The following DOCK4 variants were observed in gnomAD, a reference collection of about 807,000 sequenced individuals.
DOCK4 encodes the protein dedicator of cytokinesis protein 4.
In DOCK4, 97 loss-of-function variants were observed where a neutral mutation model predicts 268.1. The ratio of observed to expected loss-of-function variants is 0.36; its 90% CI spans 0.31 to 0.43. The LOEUF is 0.43. DOCK4 is among the 20% of genes least tolerant of loss of function. The probability of loss-of-function intolerance (pLI) is 1.00; values close to 1 mark genes in which losing one functional copy is unlikely to be tolerated. For synonymous variants in DOCK4, 954 were observed against 887.2 expected (o/e 1.08, Z -1.34); for missense variants, 2,145 against 2,455.7 (o/e 0.87, Z 2.67).
chr7:112,106,039 G>A (rs1348255611), intron 1 of DOCK4, among the ~76,000 whole-genome samples: 1 of 152,152 alleles, frequency 6.6e-6, no homozygotes, highest in Admixed American at 6.5e-5. Flanking sequence ...AAGGGGCAAC[G>A]GACCACAACA....
chr7:111,947,578 T>C (rs1795718824), intron 8 of DOCK4, among the ~76,000 whole-genome samples: 1 of 75,590 alleles, frequency 1.3e-5, no homozygotes, highest in African/African-American at 5.6e-5. Flanking sequence ...TATTCCAAAC[T>C]GGAGGCTGGG....
chr7:111,790,498 TATC>T lies in DOCK4; in HGVS notation c.3271_3273del (p.Asp1091del). ...CTCCGCCTCTGCTCCCAGTCCATCATATCATGAAAAATTGGAATCATGACATTC... is the reference window on the plus strand; with the variant it reads ...CTCCGCCTCTGCTCCCAGTCCATCATATGAAAAATTGGAATCATGACATTC... On this transcript the variant is annotated inframe_deletion, in exon 31 of 53. Transcript: ENST00000428084. The T allele has an allele frequency of 6.2e-7, 1 of 1,613,954 alleles. No homozygotes were observed. Among genetic ancestry groups the T allele is most frequent in the Non-Finnish European group, 8.5e-7 (1 of 1,179,864 alleles).
chr7:111,753,123 T>C (rs1422304299), intron 42 of DOCK4, among the ~76,000 whole-genome samples: 1 of 151,648 alleles, frequency 6.6e-6, no homozygotes, highest in Admixed American at 6.6e-5. Context: ...TAGGGCCATA[T>C]ATGGTATATT....
At position 111,758,788 on chromosome 7, in the gene DOCK4, A is replaced by G. The variant is rs760770751; in HGVS notation, c.4165T>C (p.Leu1389=). ...ETIFQAEAQY[L]QIYAVTPIPE... is the part of the protein sequence containing the mutation. ...ATGGGAGTCACAGCATATATCTGCA[A>G]ATCTAGGATTCAAGAGTCAAGGAGA... Residue 1389 remains leucine (L), a splice_region_variant and synonymous_variant, in exon 41 of 53, where the codon TTG becomes CTG. Coordinates refer to ENST00000428084, the MANE Select transcript of DOCK4 (RefSeq NM_001363540.2). 112 of 1,613,534 alleles carry G rather than the reference A, an allele frequency of 6.9e-5. No homozygotes were observed. Among genetic ancestry groups the G allele is most frequent in the Non-Finnish European group, 8.6e-5 (102 of 1,179,754 alleles).
At chr7:112,024,078 T>C (rs1802564814) in intron 1 of DOCK4, among the ~76,000 whole-genome samples, 1 of 152,232 alleles carries the variant, frequency 6.6e-6, no homozygotes, top group Non-Finnish European at 1.5e-5. Flanking sequence ...TCATCTCGAC[T>C]TGTTTTTCAA....
chr7:111,910,918 C>T (rs1400568600), intron 13 of DOCK4, among the ~76,000 whole-genome samples: 2 of 152,180 alleles, frequency 1.3e-5, no homozygotes, highest in Non-Finnish European at 2.9e-5. Flanking sequence ...CTCCTCACAC[C>T]AGGAGACCTG....
intron 8 of DOCK4, among the ~76,000 whole-genome samples, chr7:111,956,881 A>G (rs1796492122): frequency 6.6e-6 from 1 of 152,200 alleles, no homozygotes; most frequent in Non-Finnish European, 1.5e-5. Context: ...TTGCTTTACA[A>G]GCCAAAATCA....
chr7:112,077,996 T>A (rs1056675775), intron 1 of DOCK4, among the ~76,000 whole-genome samples: 1 of 152,166 alleles, frequency 6.6e-6, no homozygotes, highest in Non-Finnish European at 1.5e-5. Flanking sequence ...AGTAAAATTC[T>A]ATTATATTTA....
chr7:111,781,817 A>G (rs1798799464), intron 35 of DOCK4, among the ~76,000 whole-genome samples: 1 of 152,200 alleles, frequency 6.6e-6, no homozygotes, highest in Admixed American at 6.5e-5. Flanking sequence ...AAACAAAACA[A>G]AACAAAAAGA....
chr7:111,737,416 A>G (rs1207629693), intron 49 of DOCK4, among the ~76,000 whole-genome samples: 1 of 152,154 alleles, frequency 6.6e-6, no homozygotes, highest in Non-Finnish European at 1.5e-5. Context: ...GGCATGAGCC[A>G]CCACACCTGG....
chr7:112,059,987 C>T (rs547774923), intron 1 of DOCK4, among the ~76,000 whole-genome samples: 3 of 152,140 alleles, frequency 2.0e-5, no homozygotes, highest in East Asian at 3.9e-4. Flanking sequence ...TAATGGAAAA[C>T]GATTAGAAGC....
At chr7:112,087,082 C>CCAGG (rs1265694259) in intron 1 of DOCK4, among the ~76,000 whole-genome samples, 1 of 152,082 alleles carries the variant, frequency 6.6e-6, no homozygotes, top group Non-Finnish European at 1.5e-5. Flanking sequence ...GGGCAGCTCA[C>CCAGG]CAGGCTAGGG....
rs1281234360 is a variant in DOCK4, at chr7:111,964,141, C to T, written c.701+12991G>A. ...AACAGAAAAACTGGAAACTCTAAAA[C>T]GCAGAGCGCCTCTCCTCCTCCAAAG... On this transcript the variant is annotated intron_variant, in intron 8 of 52. Coordinates refer to ENST00000428084, the MANE Select transcript of DOCK4 (RefSeq NM_001363540.2). 7.6e-3 allele frequency among the ~76,000 whole-genome samples: 1,121 copies of T among 146,730 alleles called. 14 individuals carry two copies. Among genetic ancestry groups the T allele is most frequent in the African/African-American group, 0.027 (1,035 of 37,938 alleles).
intron 1 of DOCK4, among the ~76,000 whole-genome samples, chr7:112,129,784 AG>A (rs1362125060): frequency 6.6e-6 from 1 of 152,164 alleles, no homozygotes; most frequent in African/African-American, 2.4e-5. Context: ...ACAGCAGAGG[AG>A]GACAACATTC....
chr7:111,963,065 G>A (rs1797059440), intron 8 of DOCK4, among the ~76,000 whole-genome samples: 1 of 152,256 alleles, frequency 6.6e-6, no homozygotes, highest in South Asian at 2.1e-4. Flanking sequence ...TTAGTCCCAA[G>A]ACAAATTTAC....
rs532389986 is a variant in DOCK4 at position 112,002,119 on chromosome 7, T to C, written c.122-1585A>G. Reference sequence around the variant, plus strand: ...TTTGAGCTTTGTATTTAAACATTTTTCCTCCTCATAATACATTTTCTTAAA... The same window carrying C: ...TTTGAGCTTTGTATTTAAACATTTTCCCTCCTCATAATACATTTTCTTAAA... On this transcript the variant is annotated intron_variant, in intron 2 of 52. Transcript: ENST00000428084. Among the ~76,000 whole-genome samples the C allele has an allele frequency of 3.9e-5, 6 of 152,312 alleles. No individual in the cohort carries two copies. In the East Asian group the frequency reaches 7.7e-4, roughly 20 times the overall value.
intron 42 of DOCK4, among the ~76,000 whole-genome samples, chr7:111,752,921 T>A (rs1201791610): frequency 6.6e-6 from 1 of 150,956 alleles, no homozygotes; most frequent in Non-Finnish European, 1.5e-5. Context: ...ACAAAAACAC[T>A]TTTTTTGGGT....
intron 1 of DOCK4, among the ~76,000 whole-genome samples, chr7:112,087,677 T>G (rs76478786): frequency 0.015 from 2,260 of 152,204 alleles, 61 homozygotes; most frequent in African/African-American, 0.052. Context: ...GAGACAAAAC[T>G]GTCAGACAGC....
At chr7:111,929,602 T>C (rs1299508835) in intron 12 of DOCK4, among the ~76,000 whole-genome samples, 1 of 152,348 alleles carries the variant, frequency 6.6e-6, no homozygotes, top group East Asian at 1.9e-4. Context: ...TACATTGGTA[T>C]GTGTGGACCC....
Sources: allele counts gnomAD v4.1 joint callset (sites outside exome capture counted in the v4.1 genomes callset), GRCh38; gene constraint gnomAD v4.1.1; transcripts MANE v1.5; gene names NCBI Gene and HGNC (gene_info 2026-07-23, HGNC 2026-07-21).